XKR9: variants seen among roughly 807,000 people sequenced by gnomAD.
XKR9 encodes XK related 9, also known as XK-related protein 9.
Under a neutral mutation model 32.0 loss-of-function variants are expected in XKR9, and 32 were observed. The ratio of observed to expected loss-of-function variants is 1.00; its 90% CI spans 0.76 to 1.34. The LOEUF (loss-of-function observed/expected upper bound fraction) is 1.34, where lower values mean the gene tolerates loss of function less well. XKR9 is among the 40% of genes most tolerant of loss of function. The pLI is 0.00. For missense variants in XKR9, 546 were observed against 429.7 expected (o/e 1.27, Z -2.39); for synonymous variants, 168 against 143.4 (o/e 1.17, Z -1.22).
the XKR9 span, among the ~76,000 whole-genome samples, chr8:70,990,306 T>C: frequency 9.9e-5 from 15 of 152,166 alleles, no homozygotes; most frequent in African/African-American, 3.6e-4. Context: ...AGATCTCTGA[T>C]ATAAAAGCTC....
the XKR9 span, among the ~76,000 whole-genome samples, chr8:70,914,714 C>A: frequency 1.3e-5 from 2 of 152,198 alleles, no homozygotes; most frequent in African/African-American, 4.8e-5. Context: ...GAAAAGAAGT[C>A]CTTAATTTTA....
chr8:70,815,618 C>T, the XKR9 span, among the ~76,000 whole-genome samples: 20 of 151,790 alleles, frequency 1.3e-4, no homozygotes, highest in Admixed American at 7.2e-4. Context: ...CTCCGCCTCC[C>T]GGGTTCATGC....
At chr8:70,738,258 G>T (rs1341369852), downstream of XKR9, among the ~76,000 whole-genome samples, 2 of 143,308 alleles carry the variant, frequency 1.4e-5, no homozygotes, top group African/African-American at 5.0e-5. Context: ...TATTTGTGTA[G>T]AGGTGTTTAT....
the XKR9 span, among the ~76,000 whole-genome samples, chr8:70,847,182 A>C: frequency 6.6e-6 from 1 of 152,064 alleles, no homozygotes; most frequent in Non-Finnish European, 1.5e-5. Flanking sequence ...AATCAATAAA[A>C]AGAGGAACCT....
chr8:70,974,828 A>G, the XKR9 span, among the ~76,000 whole-genome samples: 1 of 152,204 alleles, frequency 6.6e-6, no homozygotes, highest in East Asian at 1.9e-4. Context: ...GTCTTCCACA[A>G]TGGTGGAACT....
At chr8:70,901,346 G>C in the XKR9 span, among the ~76,000 whole-genome samples, 18 of 152,160 alleles carry the variant, frequency 1.2e-4, no homozygotes, top group Admixed American at 2.6e-4. Flanking sequence ...TTAATGATCA[G>C]CATTCTAACT....
chr8:70,891,138 C>T, the XKR9 span, among the ~76,000 whole-genome samples: 1 of 151,422 alleles, frequency 6.6e-6, no homozygotes, highest in Admixed American at 6.6e-5. Context: ...AGTTTTAATG[C>T]CTCCTGTTTT....
chr8:70,703,899 C>T (rs1175603481), intron 3 of XKR9, among the ~76,000 whole-genome samples: 1 of 152,028 alleles, frequency 6.6e-6, no homozygotes. Flanking sequence ...AAAAGTGAAA[C>T]AGGCTGGGCG....
the XKR9 span, among the ~76,000 whole-genome samples, chr8:71,061,087 A>G: frequency 7.7e-3 from 1,169 of 152,302 alleles, 8 homozygotes; most frequent in Non-Finnish European, 0.012. Flanking sequence ...TTATATATAC[A>G]AGTAAAATGA....
intron 2 of XKR9, among the ~76,000 whole-genome samples, chr8:70,750,217 CAT>C (rs1807119455): frequency 6.6e-6 from 1 of 152,070 alleles, no homozygotes. Context: ...AATATGAGGT[CAT>C]ATAAATTAGG....
intron 2 of XKR9, among the ~76,000 whole-genome samples, chr8:70,774,264 A>G (rs930808665): frequency 1.3e-5 from 2 of 152,170 alleles, no homozygotes; most frequent in Non-Finnish European, 2.9e-5. Context: ...TCCACCCTGA[A>G]GTGATATAAT....
chr8:70,868,135 C>T, the XKR9 span, among the ~76,000 whole-genome samples: 3 of 152,208 alleles, frequency 2.0e-5, no homozygotes, highest in Admixed American at 6.5e-5. Context: ...GCTGCTTTCA[C>T]AGGCTAGCAT....
rs759773139 is a variant in XKR9 at position 70,733,935 on chromosome 8, T to C, written c.633T>C (p.Phe211=). 6.2e-7 allele frequency: 1 copy of C among 1,612,926 alleles called. No homozygotes were observed. Among genetic ancestry groups the C allele is most frequent in the South Asian group, 1.1e-5 (1 of 90,524 alleles). The change falls in exon 5 of 5, where the codon TTT becomes TTC. Residue 211 remains phenylalanine, a synonymous_variant. Coordinates refer to ENST00000408926, the MANE Select transcript of XKR9 (RefSeq NM_001011720.2). ...PKITYLFYKL[F]TLLSWMLSVV... ...TCACATATCTCTTTTACAAGTTGTT[T>C]ACATTATTATCGTGGATGCTGAGTG...
At chr8:71,006,659 A>G in the XKR9 span, among the ~76,000 whole-genome samples, 1 of 152,214 alleles carries the variant, frequency 6.6e-6, no homozygotes, top group Non-Finnish European at 1.5e-5. Context: ...AGCCAGTCCA[A>G]AAATGGCATC....
the XKR9 span, among the ~76,000 whole-genome samples, chr8:70,894,590 G>C: frequency 1.3e-5 from 2 of 152,114 alleles, no homozygotes; most frequent in Non-Finnish European, 2.9e-5. Flanking sequence ...ATTCTGAGTG[G>C]CCCAGGCACC....
At chr8:71,060,845 A>G in the XKR9 span, among the ~76,000 whole-genome samples, 5 of 152,166 alleles carry the variant, frequency 3.3e-5, no homozygotes, top group Admixed American at 3.3e-4. Context: ...CTTGGTCAAG[A>G]CCACATGGTT....
At chr8:70,985,385 C>T in the XKR9 span, among the ~76,000 whole-genome samples, 257 of 152,254 alleles carry the variant, frequency 1.7e-3, 1 homozygote, top group Middle Eastern at 3.4e-3. Context: ...GTATATGTGC[C>T]ACATTTTCTT....
the XKR9 span, among the ~76,000 whole-genome samples, chr8:70,938,171 T>C: frequency 6.6e-6 from 1 of 151,974 alleles, no homozygotes; most frequent in South Asian, 2.1e-4. Context: ...ATTTGGGTTT[T>C]GAAGAGTGGG....
At chr8:70,854,214 G>C in the XKR9 span, among the ~76,000 whole-genome samples, 28 of 152,038 alleles carry the variant, frequency 1.8e-4, no homozygotes, top group South Asian at 6.2e-4. Context: ...TTAATGATCG[G>C]CATTCTAACT....
Sources: gnomAD v4.1 joint callset for allele counts (sites outside exome capture counted in the v4.1 genomes callset) on GRCh38, gnomAD v4.1.1 for gene constraint, MANE v1.5 for transcripts, NCBI Gene and HGNC (gene_info 2026-07-23, HGNC 2026-07-21) for gene names.